SLC35F4: variants seen among roughly 807,000 people sequenced by gnomAD.
The protein encoded by SLC35F4 is solute carrier family 35 member F4, also known as chromosome 14 open reading frame 36.
In SLC35F4, 24 loss-of-function variants were observed where a neutral mutation model predicts 44.2. The ratio of observed to expected loss-of-function variants is 0.54; its 90% confidence interval spans 0.39 to 0.76. SLC35F4 has a LOEUF of 0.76. Among genes scored for constraint, SLC35F4 ranks in the 30% least tolerant of loss-of-function variants. The probability of loss-of-function intolerance (pLI) is 0.00; values close to 1 mark genes in which losing one functional copy is unlikely to be tolerated. For synonymous variants in SLC35F4, 238 were observed against 223.6 expected (o/e 1.06, Z -0.57); for missense variants, 562 against 586.1 (o/e 0.96, Z 0.42).
intron 1 of SLC35F4, among the ~76,000 whole-genome samples, chr14:57,828,766 G>A (rs1884052123): frequency 1.3e-5 from 2 of 152,102 alleles, no homozygotes; most frequent in Non-Finnish European, 2.9e-5. Context: ...GCAAACTCTG[G>A]GCAACCCGAG....
chr14:57,670,962 T>A (rs1951747), intron 1 of SLC35F4, among the ~76,000 whole-genome samples: 1 of 142,080 alleles, frequency 7.0e-6, no homozygotes, highest in South Asian at 2.3e-4. Flanking sequence ...TGGAGTGCAG[T>A]GGCATGGTCT....
At chr14:57,863,490 T>A (rs537657398) in intron 1 of SLC35F4, among the ~76,000 whole-genome samples, 1 of 152,366 alleles carries the variant, frequency 6.6e-6, no homozygotes, top group South Asian at 2.1e-4. Flanking sequence ...AATGAGAAAG[T>A]CACCTTGCTT....
At chr14:57,834,532 C>T (rs1019471708) in intron 1 of SLC35F4, among the ~76,000 whole-genome samples, 2 of 152,310 alleles carry the variant, frequency 1.3e-5, no homozygotes, top group South Asian at 4.1e-4. Context: ...AATTGCAAAA[C>T]ATCTCAGTAG....
At chr14:57,759,120 C>T (rs2077063565) in intron 1 of SLC35F4, among the ~76,000 whole-genome samples, 1 of 152,142 alleles carries the variant, frequency 6.6e-6, no homozygotes, top group Non-Finnish European at 1.5e-5. Flanking sequence ...CATATTTTCT[C>T]TATTCATCTA....
At chr14:57,652,429 A>G (rs780045893) in intron 1 of SLC35F4, among the ~76,000 whole-genome samples, 5 of 152,156 alleles carry the variant, frequency 3.3e-5, no homozygotes, top group Admixed American at 6.5e-5. Flanking sequence ...TAAAAAATCA[A>G]TACTTTTTGG....
intron 1 of SLC35F4, among the ~76,000 whole-genome samples, chr14:57,699,398 T>A (rs2075474264): frequency 6.6e-6 from 1 of 152,122 alleles, no homozygotes; most frequent in South Asian, 2.1e-4. Flanking sequence ...TTTCCCCACG[T>A]GAATAGCAAA....
At chr14:57,881,815 G>A (rs1194883357) in intron 1 of SLC35F4, among the ~76,000 whole-genome samples, 1 of 152,026 alleles carries the variant, frequency 6.6e-6, no homozygotes, top group East Asian at 1.9e-4. Flanking sequence ...ACCCAATCTG[G>A]TTTAAAGCTT....
At chr14:57,620,280 C>A (rs2072103217) in intron 1 of SLC35F4, among the ~76,000 whole-genome samples, 1 of 152,122 alleles carries the variant, frequency 6.6e-6, no homozygotes, top group African/African-American at 2.4e-5. Flanking sequence ...ATGTTAAGGG[C>A]AGCCAGAGAG....
At chr14:57,696,862 G>C (rs774195069) in intron 1 of SLC35F4, among the ~76,000 whole-genome samples, 5 of 152,160 alleles carry the variant, frequency 3.3e-5, no homozygotes, top group Non-Finnish European at 7.4e-5. Flanking sequence ...AGTGGGAACT[G>C]AACAATGAGA....
chr14:57,982,466 T>C (rs760103777), upstream of SLC35F4, among the ~76,000 whole-genome samples: 1 of 151,934 alleles, frequency 6.6e-6, no homozygotes, highest in Non-Finnish European at 1.5e-5. Context: ...ACCAGCATTG[T>C]TGTGTTGAGG....
chr14:57,882,969 C>T (rs2141033783), intron 1 of SLC35F4, among the ~76,000 whole-genome samples: 1 of 151,430 alleles, frequency 6.6e-6, no homozygotes, highest in Middle Eastern at 3.4e-3. Flanking sequence ...GACATACCTT[C>T]TTGCACCTCT....
intron 1 of SLC35F4, among the ~76,000 whole-genome samples, chr14:57,847,356 A>G (rs968619382): frequency 3.9e-5 from 6 of 152,190 alleles, no homozygotes; most frequent in African/African-American, 7.2e-5. Context: ...GCAACTTGAG[A>G]ACCACTTTTC....
At chr14:57,731,106 TA>T (rs1008244896) in intron 1 of SLC35F4, among the ~76,000 whole-genome samples, 20 of 152,180 alleles carry the variant, frequency 1.3e-4, no homozygotes, top group Admixed American at 6.5e-4. Context: ...GATCATTTGA[TA>T]AAACCTCATC....
intron 1 of SLC35F4, among the ~76,000 whole-genome samples, chr14:57,981,024 T>C (rs1392038108): frequency 6.6e-6 from 1 of 152,100 alleles, no homozygotes; most frequent in Non-Finnish European, 1.5e-5. Context: ...TATGCATCAA[T>C]GGAGAAGAAG....
intron 1 of SLC35F4, among the ~76,000 whole-genome samples, chr14:57,688,278 G>A (rs1365685704): frequency 2.0e-5 from 3 of 152,140 alleles, no homozygotes; most frequent in East Asian, 1.9e-4. Context: ...TGACTACTAC[G>A]TACAGACATG....
Position 57,566,512 on chromosome 14 carries a change from G to T in SLC35F4, c.1179C>A (p.Ile393=), listed in dbSNP as rs372821240. 5.0e-6 allele frequency: 8 copies of T among 1,601,494 alleles called. No homozygotes were observed. Among genetic ancestry groups the T allele is most frequent in the African/African-American group, 4.0e-5 (3 of 74,750 alleles). Reference sequence around the variant, plus strand: ...GAACGCTGAGCACTGTCCCAATGGAGATTAGGATTGGGTATGTCAGCACCA... The same window carrying T: ...GAACGCTGAGCACTGTCCCAATGGATATTAGGATTGGGTATGTCAGCACCA... ...VGVVLTYPIL[I]SIGTVLSVPG... The change falls in exon 7 of 8, where the codon ATC becomes ATA. Residue 393 remains isoleucine (I), a synonymous_variant. Coordinates refer to ENST00000556826, the MANE Select transcript of SLC35F4 (RefSeq NM_001306087.2).
intron 1 of SLC35F4, among the ~76,000 whole-genome samples, chr14:57,728,738 C>A (rs533780289): frequency 6.6e-6 from 1 of 152,260 alleles, no homozygotes; most frequent in East Asian, 1.9e-4. Flanking sequence ...GCTGGGATTA[C>A]ACGCATGAGC....
Position 57,895,581 on chromosome 14 carries a change from A to ACTCTCT in SLC35F4, n.282+86326_282+86331dup, listed in dbSNP as rs373339951. On this transcript the variant is annotated intron_variant and non_coding_transcript_variant, in intron 1 of 1. Coordinates refer to the SLC35F4 transcript ENST00000556568. ...CTTACCCCTTCTCTCTCGCTCTCTCACTCTCTCTCTCTCTCTCTCTCTGTC... is the reference window on the plus strand; with the variant it reads ...CTTACCCCTTCTCTCTCGCTCTCTCACTCTCTCTCTCTCTCTCTCTCTCTCTCTGTC... 8.1e-3 allele frequency among the ~76,000 whole-genome samples: 1,073 copies of ACTCTCT among 131,816 alleles called. 13 individuals are homozygous for ACTCTCT. The highest frequency in any genetic ancestry group is 0.031 in the South Asian group (125 of 4,088). 86.5% of individuals were successfully genotyped at this position (131,816 alleles called of 152,430 possible).
At position 57,584,284 on chromosome 14, in the gene SLC35F4, T is replaced by A. The variant is rs1337327538; in HGVS notation, c.588-2851A>T. Among the ~76,000 whole-genome samples, 14 of 152,142 alleles carry A rather than the reference T, an allele frequency of 9.2e-5. No homozygotes were observed. In the South Asian group the frequency reaches 1.2e-3, roughly 14 times the overall value. ...TTACCATCTAGATTTGATACTTCAT[T>A]GAAAATTATTTTGATATTACTGATA... On this transcript the variant is annotated intron_variant, in intron 3 of 7. Transcript: ENST00000556826.
Sources: gnomAD v4.1 joint callset for allele counts (sites outside exome capture counted in the v4.1 genomes callset) on GRCh38, gnomAD v4.1.1 for gene constraint, MANE v1.5 for transcripts, NCBI Gene and HGNC (gene_info 2026-07-23, HGNC 2026-07-21) for gene names.